Variants in ZFPM1 observed in about 807,000 individuals in gnomAD.
ZFPM1 encodes zinc finger protein, FOG family member 1, also known as zinc finger protein ZFPM1.
In ZFPM1, 28 loss-of-function variants were observed where a neutral mutation model predicts 46.3. That is an observed-to-expected ratio of 0.60 (90% CI 0.45 to 0.83). ZFPM1 has a LOEUF of 0.83. ZFPM1 is among the 40% of genes least tolerant of loss of function. The pLI is 0.00. For missense variants in ZFPM1, 1,878 were observed against 1,432.4 expected, an observed-to-expected ratio of 1.31 and a Z score of -5.02; for synonymous variants, 957 against 675.9, an observed-to-expected ratio of 1.42 and a Z score of -6.45.
intron 3 of ZFPM1, among the ~76,000 whole-genome samples, chr16:88,501,331 G>A (rs371024591): frequency 5.2e-4 from 47 of 91,058 alleles, no homozygotes; most frequent in South Asian, 9.9e-4. Flanking sequence ...GCAGACATGG[G>A]TGCGGGGCCC....
chr16:88,464,396 C>T (rs1386317542), intron 1 of ZFPM1, among the ~76,000 whole-genome samples: 1 of 152,214 alleles, frequency 6.6e-6, no homozygotes, highest in Non-Finnish European at 1.5e-5. Context: ...GGCAGGAGGA[C>T]GGGGTGTTTG....
intron 1 of ZFPM1, among the ~76,000 whole-genome samples, chr16:88,473,235 C>T (rs1174982417): frequency 6.6e-6 from 1 of 152,254 alleles, no homozygotes; most frequent in African/African-American, 2.4e-5. Context: ...TGCTCCTGGC[C>T]CCCGGGAATC....
At chr16:88,470,531 G>A (rs1473588475) in intron 1 of ZFPM1, among the ~76,000 whole-genome samples, 1 of 151,022 alleles carries the variant, frequency 6.6e-6, no homozygotes, top group Admixed American at 6.6e-5. Flanking sequence ...ATGTGGCACG[G>A]TGTGGAGGGC....
At chr16:88,508,434 CCTTT>C (rs1319095258) in intron 3 of ZFPM1, among the ~76,000 whole-genome samples, 2 of 152,252 alleles carry the variant, frequency 1.3e-5, no homozygotes, top group Non-Finnish European at 2.9e-5. Context: ...ACAGGACCAC[CCTTT>C]CTACTGCCCA....
At chr16:88,452,409 C>A (rs182894444), upstream of ZFPM1, among the ~76,000 whole-genome samples, 5 of 152,364 alleles carry the variant, frequency 3.3e-5, no homozygotes, top group African/African-American at 1.2e-4. Flanking sequence ...GGGTCTCCTG[C>A]GGGGCGCCCT....
At chr16:88,473,543 C>T (rs1908523149) in intron 1 of ZFPM1, among the ~76,000 whole-genome samples, 1 of 152,174 alleles carries the variant, frequency 6.6e-6, no homozygotes. Context: ...CCCCACTTCT[C>T]CCATGGCCGG....
At chr16:88,482,865 T>C (rs1352078466) in intron 1 of ZFPM1, among the ~76,000 whole-genome samples, 1 of 152,152 alleles carries the variant, frequency 6.6e-6, no homozygotes, top group Non-Finnish European at 1.5e-5. Context: ...TCCCGCCAAG[T>C]CGGGGATGGC....
chr16:88,482,496 G>A (rs1164194796), intron 1 of ZFPM1, among the ~76,000 whole-genome samples: 1 of 152,194 alleles, frequency 6.6e-6, no homozygotes, highest in Non-Finnish European at 1.5e-5. Context: ...TGTGGAGCAG[G>A]AGCCTTTGTT....
chr16:88,483,790 G>A (rs1232408478), intron 1 of ZFPM1, among the ~76,000 whole-genome samples: 1 of 152,218 alleles, frequency 6.6e-6, no homozygotes, highest in Admixed American at 6.5e-5. Flanking sequence ...GAGCAGTTTG[G>A]TTTGACGGCA....
At chr16:88,465,492 C>T (rs998086656) in intron 1 of ZFPM1, among the ~76,000 whole-genome samples, 14 of 152,268 alleles carry the variant, frequency 9.2e-5, no homozygotes, top group Admixed American at 6.5e-4. Flanking sequence ...ACGGGGCCCT[C>T]CTCACAGCCT....
At chr16:88,481,780 G>A (rs758547011) in intron 1 of ZFPM1, among the ~76,000 whole-genome samples, 10 of 152,214 alleles carry the variant, frequency 6.6e-5, no homozygotes, top group South Asian at 2.1e-4. Context: ...AGACCATCTC[G>A]CTGGACTACG....
intron 4 of ZFPM1, among the ~76,000 whole-genome samples, chr16:88,523,909 G>C (rs928320755): frequency 6.6e-6 from 1 of 152,200 alleles, no homozygotes; most frequent in Non-Finnish European, 1.5e-5. Flanking sequence ...GGGTGCACTC[G>C]GCGGGGCCGG....
intron 5 of ZFPM1, 27 bp downstream of exon 5, chr16:88,526,943 C>T: frequency 6.5e-7 from 1 of 1,542,256 alleles, no homozygotes; most frequent in Admixed American, 2.0e-5. Flanking sequence ...ACCTCCGTCC[C>T]AAGCCTTCCG....
At position 88,480,924 on chromosome 16, in the gene ZFPM1, G is replaced by A. The variant is rs748722139; in HGVS notation, c.41-5015G>A. On this transcript the variant is annotated intron_variant, in intron 1 of 9. Coordinates refer to ENST00000319555, the MANE Select transcript of ZFPM1 (RefSeq NM_153813.3). The surrounding 1 kb of genome is among the most constrained non-coding windows in gnomAD (Gnocchi z 4.9). ...AAAGCCGGGAGGGGCCACCTTAATCGTCGGTGTGGGGACTTGGAAGGGAGC... is the reference window on the plus strand; with the variant it reads ...AAAGCCGGGAGGGGCCACCTTAATCATCGGTGTGGGGACTTGGAAGGGAGC... Among the ~76,000 whole-genome samples, 2 of 152,226 alleles carry A rather than the reference G, an allele frequency of 1.3e-5. No homozygotes were observed. The highest frequency in any genetic ancestry group is 2.4e-5 in the African/African-American group (1 of 41,462).
Position 88,471,349 on chromosome 16 carries a change from G to A in ZFPM1, c.41-14590G>A, listed in dbSNP as rs769255548. 1.3e-5 allele frequency among the ~76,000 whole-genome samples: 2 copies of A among 152,236 alleles called. No individual in the cohort carries two copies. Among genetic ancestry groups the A allele is most frequent in the Non-Finnish European group, 1.5e-5 (1 of 68,038 alleles). On this transcript the variant is annotated intron_variant, in intron 1 of 9. Coordinates refer to ENST00000319555, the MANE Select transcript of ZFPM1 (RefSeq NM_153813.3). This position sits in a 1 kb window ranked among gnomAD's most constrained non-coding sequence, Gnocchi z 4.1. ...TCTAGGCTCTGAGATGACTGTGTCC[G>A]TGGCGGCTCCCGCTCACAGTTCAGG...
intron 3 of ZFPM1, among the ~76,000 whole-genome samples, chr16:88,493,615 G>A (rs1909751579): frequency 6.7e-6 from 1 of 150,168 alleles, no homozygotes; most frequent in African/African-American, 2.5e-5. Context: ...AGCTGTCCCG[G>A]GGTACAGAGA....
intron 1 of ZFPM1, among the ~76,000 whole-genome samples, chr16:88,461,392 G>A (rs980097196): frequency 3.3e-5 from 5 of 152,278 alleles, no homozygotes; most frequent in Non-Finnish European, 5.9e-5. Flanking sequence ...GGTGGTTGCC[G>A]GCCTTCAGCT....
intron 1 of ZFPM1, among the ~76,000 whole-genome samples, chr16:88,460,578 C>T (rs138453555): frequency 1.0e-3 from 156 of 152,332 alleles, no homozygotes; most frequent in African/African-American, 3.5e-3. Context: ...ATGTTTAGCA[C>T]GTGGCACTGA....
chr16:88,490,145 C>T (rs1355145691), intron 3 of ZFPM1, among the ~76,000 whole-genome samples: 2 of 152,096 alleles, frequency 1.3e-5, no homozygotes, highest in Non-Finnish European at 2.9e-5. Context: ...GCTCCGCCTC[C>T]CAGGTTCACG....
Sources: allele counts gnomAD v4.1 joint callset (sites outside exome capture counted in the v4.1 genomes callset), GRCh38; gene constraint gnomAD v4.1.1; non-coding constraint Gnocchi (gnomAD v3.1); transcripts MANE v1.5; gene names NCBI Gene and HGNC (gene_info 2026-07-23, HGNC 2026-07-21).